The following PCDHA6 variants were observed in gnomAD, a reference collection of about 807,000 sequenced individuals.
The protein encoded by PCDHA6 is protocadherin alpha-6.
Under a neutral mutation model 60.3 loss-of-function variants are expected in PCDHA6, and 55 were observed. That is an observed-to-expected ratio of 0.91 (90% CI 0.73 to 1.14). The LOEUF (loss-of-function observed/expected upper bound fraction) is 1.14. PCDHA6 is among the 50% of genes most tolerant of loss of function. The pLI is 0.00. For missense variants in PCDHA6, 1,327 were observed against 1,256.5 expected (o/e 1.06, Z -0.85); for synonymous variants, 652 against 557.9 (o/e 1.17, Z -2.38).
In PCDHA6 at chr5:141,010,177, C is replaced by T; in HGVS notation, c.*240C>T. 3 of 1,556,196 alleles carry T rather than the reference C, an allele frequency of 1.9e-6. No homozygotes were observed. The highest frequency in any genetic ancestry group is 1.7e-4 in the Middle Eastern group (1 of 6,000). On this transcript the variant is annotated 3_prime_UTR_variant, in exon 4 of 4. Coordinates refer to ENST00000529310, the MANE Select transcript of PCDHA6 (RefSeq NM_018909.4). ...TGGCTTGTTTTCAGAACCTAAAAAG[C>T]AGACCCAAGTTTCCTTTCTCCTCCG... is the stretch of plus-strand genomic sequence containing the variant.
At chr5:140,896,430 T>C (rs543866183) in intron 1 of PCDHA6, among the ~76,000 whole-genome samples, 41 of 152,158 alleles carry the variant, frequency 2.7e-4, no homozygotes, top group Non-Finnish European at 4.4e-4. Context: ...CCATTCTGAC[T>C]GGTGTGACTG....
chr5:140,864,848 T>A (rs1581726954), intron 1 of PCDHA6: 1 of 152,184 alleles, frequency 6.6e-6, no homozygotes, highest in Non-Finnish European at 1.5e-5. Flanking sequence ...AGTCTTCCCA[T>A]ACATGATGAA....
rs148102793 is a variant in PCDHA6 at position 140,873,087 on chromosome 5, G to A, written c.2394+42602G>A. Among the ~76,000 whole-genome samples, 818 of 152,138 alleles carry A rather than the reference G, an allele frequency of 5.4e-3. 4 individuals carry two copies. Among genetic ancestry groups the A allele is most frequent in the Middle Eastern group, 0.014 (4 of 294 alleles). On this transcript the variant is annotated intron_variant, in intron 1 of 3. Coordinates refer to ENST00000529310, the MANE Select transcript of PCDHA6 (RefSeq NM_018909.4). ...AATCATATCTAGCTATTTCCCCCCC[G>A]TATAGAGGCATAACATACCATTTGG...
Position 140,848,429 on chromosome 5 carries a change from G to A in PCDHA6, c.2394+17944G>A. Reference sequence around the variant, plus strand: ...GCGAACACAGCAGAATGGGACTGACGAAATCAGATGATTTCTTCTAATTTG... The same window carrying A: ...GCGAACACAGCAGAATGGGACTGACAAAATCAGATGATTTCTTCTAATTTG... On this transcript the variant is annotated intron_variant, in intron 1 of 3. Transcript: ENST00000529310. 4.1e-6 allele frequency: 6 copies of A among 1,456,724 alleles called. 1 individual carries two copies. Among genetic ancestry groups the A allele is most frequent in the South Asian group, 1.3e-5 (1 of 77,796 alleles). The allele number at this position is 1,456,724 out of a possible 1,614,324, so 90.2% of individuals were successfully genotyped here.
chr5:140,904,335 C>T (rs142753502), intron 1 of PCDHA6, among the ~76,000 whole-genome samples: 2,168 of 152,034 alleles, frequency 0.014, 62 homozygotes, highest in African/African-American at 0.05. Flanking sequence ...TCTCCAGTTC[C>T]ATCCAGGTTG....
In PCDHA6 at chr5:140,847,104, A is replaced by G. The variant is rs2150397303; in HGVS notation, c.2394+16619A>G. Among the ~76,000 whole-genome samples, 7 of 149,942 alleles carry G rather than the reference A, an allele frequency of 4.7e-5. 1 individual carries two copies. The East Asian group carries it at 1.4e-3, about 29-fold the overall frequency. On this transcript the variant is annotated intron_variant, in intron 1 of 3. Coordinates refer to ENST00000529310, the MANE Select transcript of PCDHA6 (RefSeq NM_018909.4). ...AAAGTCCACTTTGGTTAAAACACAC[A>G]GTCTGCAGAGAATGAAAGCAGGAAA...
At chr5:140,838,285 T>TTA (rs1554136986) in intron 1 of PCDHA6, among the ~76,000 whole-genome samples, 1 of 149,460 alleles carries the variant, frequency 6.7e-6, no homozygotes, top group East Asian at 2.0e-4. Flanking sequence ...TGCTAATTTT[T>TTA]TTTTTTTTTT....
At chr5:140,850,202 G>A in intron 1 of PCDHA6, 3 of 1,593,648 alleles carry the variant, frequency 1.9e-6, no homozygotes, top group Non-Finnish European at 2.6e-6. Flanking sequence ...TGACACCTCG[G>A]ATGAGGGGCA....
At chr5:140,874,386 G>A (rs2054873500) in intron 1 of PCDHA6, among the ~76,000 whole-genome samples, 1 of 152,082 alleles carries the variant, frequency 6.6e-6, no homozygotes. Context: ...GTCTTTTGAT[G>A]CCCCCTTGCA....
Position 140,829,542 on chromosome 5 carries a change from C to T in PCDHA6, c.1451C>T (p.Ala484Val). 2.5e-6 allele frequency: 4 copies of T among 1,612,968 alleles called. No individual in the cohort carries two copies. Among genetic ancestry groups the T allele is most frequent in the Non-Finnish European group, 3.4e-6 (4 of 1,179,854 alleles). The change falls in exon 1 of 4, where the codon GCG becomes GTG. Residue 484 changes from alanine to valine, a missense_variant. Transcript: ENST00000529310. ...ACGGTGTCTGCGCGAGACGCGGACG[C>T]GCAGGAGAACGCGCTGGTGTCCTAC... is the stretch of plus-strand genomic sequence containing the variant. ...IFTVSARDAD[A>V]QENALVSYSL...
chr5:140,852,228 A>G, intron 1 of PCDHA6: 1 of 612,592 alleles, frequency 1.6e-6, no homozygotes, highest in Non-Finnish European at 2.1e-6. Context: ...TAATTTTTAA[A>G]TTTTCCCTTA....
chr5:140,997,107 C>T (rs1346636277), intron 3 of PCDHA6, among the ~76,000 whole-genome samples: 3 of 152,094 alleles, frequency 2.0e-5, no homozygotes, highest in African/African-American at 7.2e-5. Flanking sequence ...TCATGCACTC[C>T]TGCTCTCCCA....
intron 1 of PCDHA6, among the ~76,000 whole-genome samples, chr5:140,833,457 A>AAGAAATTTAT (rs1374250716): frequency 2.0e-5 from 3 of 152,216 alleles, no homozygotes; most frequent in Non-Finnish European, 4.4e-5. Context: ...AATAAAATAA[A>AAGAAATTTAT]CTTACATTTT....
At chr5:140,944,383 C>T (rs1344204416) in intron 1 of PCDHA6, among the ~76,000 whole-genome samples, 1 of 152,084 alleles carries the variant, frequency 6.6e-6, no homozygotes, top group African/African-American at 2.4e-5. Context: ...GATGGAGTCT[C>T]ACTGTGTTAT....
At chr5:140,979,908 TAA>T (rs782196172) in intron 2 of PCDHA6, among the ~76,000 whole-genome samples, 3 of 152,250 alleles carry the variant, frequency 2.0e-5, no homozygotes, top group Non-Finnish European at 4.4e-5. Context: ...GATCAGTTCG[TAA>T]AGAGAAAGCC....
At chr5:140,979,826 G>A (rs1338756237) in intron 2 of PCDHA6, among the ~76,000 whole-genome samples, 1 of 152,184 alleles carries the variant, frequency 6.6e-6, no homozygotes, top group East Asian at 1.9e-4. Context: ...TAATTTTAAA[G>A]AAGAAATAAT....
rs2150171830 is a variant in PCDHA6, at chr5:140,829,634, G to C, written c.1543G>C (p.Gly515Arg). The change falls in exon 1 of 4, where the codon GGC becomes CGC. Residue 515 changes from glycine (G) to arginine (R), a missense_variant. Coordinates refer to ENST00000529310, the MANE Select transcript of PCDHA6 (RefSeq NM_018909.4). ...CTACATTTCGGTGCACGCGGAGAGC[G>C]GCAAGGTGTACGCGCTGCAGCCGCT... Reference protein sequence around the residue: ...SSYISVHAESGKVYALQPLDH... With the variant: ...SSYISVHAESRKVYALQPLDH... 4.0e-5 allele frequency: 64 copies of C among 1,612,200 alleles called. No homozygotes were observed. Among genetic ancestry groups the C allele is most frequent in the South Asian group, 6.6e-5 (6 of 91,018 alleles).
chr5:140,848,732 G>T lies in PCDHA6; in HGVS notation c.2394+18247G>T, dbSNP rs1554142393. 5.7e-6 allele frequency: 9 copies of T among 1,592,756 alleles called. 1 individual carries two copies. The highest frequency in any genetic ancestry group is 7.7e-6 in the Non-Finnish European group (9 of 1,163,596). ...GCGGGGACCTTCTGGAGGTAAATCT[G>T]CAGAATGGCATTTTGTTTGTGAATT... On this transcript the variant is annotated intron_variant, in intron 1 of 3. Transcript: ENST00000529310.
At chr5:140,941,219 C>CTT (rs1308794823) in intron 1 of PCDHA6, among the ~76,000 whole-genome samples, 11 of 125,974 alleles carry the variant, frequency 8.7e-5, no homozygotes, top group African/African-American at 3.2e-4. Flanking sequence ...TTCTTCCTTT[C>CTT]TTTCTTTCTT....
Sources: gnomAD v4.1 joint callset for allele counts (sites outside exome capture counted in the v4.1 genomes callset) on GRCh38, gnomAD v4.1.1 for gene constraint, MANE v1.5 for transcripts, NCBI Gene and HGNC (gene_info 2026-07-23, HGNC 2026-07-21) for gene names.